GRIA4: variants seen among roughly 807,000 people sequenced by gnomAD.
GRIA4 encodes glutamate receptor 4.
Under a neutral mutation model 104.0 loss-of-function variants are expected in GRIA4, and 34 were observed. The observed-to-expected ratio is 0.33, with a 90% CI of 0.25 to 0.44. The LOEUF is 0.44. Ranked by LOEUF, GRIA4 falls within the 20% of genes least tolerant of loss-of-function variation. The pLI, the probability that GRIA4 is intolerant of heterozygous loss-of-function variation, is 1.00. For missense variants in GRIA4, 750 were observed against 1,096.5 expected (o/e 0.68, Z 4.46); for synonymous variants, 386 against 381.9 (o/e 1.01, Z -0.13).
chr11:105,634,528 G>A (rs11226813), intron 3 of GRIA4, among the ~76,000 whole-genome samples: 33,763 of 97,944 alleles, frequency 0.34, 5,103 homozygotes, highest in Admixed American at 0.39. Flanking sequence ...AAGAAAGAAA[G>A]AAAAGAAAGA....
At chr11:105,620,520 G>A (rs1950715362) in intron 3 of GRIA4, among the ~76,000 whole-genome samples, 1 of 151,742 alleles carries the variant, frequency 6.6e-6, no homozygotes, top group Non-Finnish European at 1.5e-5. Flanking sequence ...CAGTGTGACT[G>A]TCGCCGGTTA....
intron 3 of GRIA4, among the ~76,000 whole-genome samples, chr11:105,695,514 G>C (rs908787876): frequency 6.6e-6 from 1 of 151,082 alleles, no homozygotes; most frequent in African/African-American, 2.4e-5. Flanking sequence ...GTGTGTGTGT[G>C]CGTGCGCGTT....
At chr11:105,740,106 A>G (rs1454998092) in intron 3 of GRIA4, among the ~76,000 whole-genome samples, 1 of 152,180 alleles carries the variant, frequency 6.6e-6, no homozygotes, top group Non-Finnish European at 1.5e-5. Flanking sequence ...AAAACAAAAT[A>G]AAGAGGCATT....
chr11:105,878,880 C>T (rs192896054), intron 5 of GRIA4, among the ~76,000 whole-genome samples: 42 of 152,300 alleles, frequency 2.8e-4, no homozygotes, highest in African/African-American at 8.2e-4. Flanking sequence ...GGCTTCAGCC[C>T]CCCTTTCCAG....
chr11:105,805,642 G>C (rs1195787690), intron 4 of GRIA4, among the ~76,000 whole-genome samples: 1 of 151,846 alleles, frequency 6.6e-6, no homozygotes, highest in Admixed American at 6.6e-5. Flanking sequence ...AATGCAAAAA[G>C]GTTAGTATAG....
At chr11:105,660,840 T>C (rs1179801651) in intron 3 of GRIA4, among the ~76,000 whole-genome samples, 1 of 151,648 alleles carries the variant, frequency 6.6e-6, no homozygotes, top group Non-Finnish European at 1.5e-5. Context: ...ATACTATTTG[T>C]TACTGAAGTG....
intron 3 of GRIA4, among the ~76,000 whole-genome samples, chr11:105,637,528 T>A (rs1951238921): frequency 6.6e-6 from 1 of 152,146 alleles, no homozygotes; most frequent in Non-Finnish European, 1.5e-5. Context: ...CTGCAGAGAA[T>A]TCAAAGAAAA....
At chr11:105,721,632 T>C (rs899639726) in intron 3 of GRIA4, among the ~76,000 whole-genome samples, 2 of 152,156 alleles carry the variant, frequency 1.3e-5, no homozygotes, top group Non-Finnish European at 2.9e-5. Context: ...CTAGCAGGGT[T>C]TGCAACCAAA....
intron 3 of GRIA4, among the ~76,000 whole-genome samples, chr11:105,693,217 C>G (rs1445824241): frequency 6.6e-6 from 1 of 152,210 alleles, no homozygotes; most frequent in Non-Finnish European, 1.5e-5. Context: ...GCTATTTACT[C>G]TCTTGCAAAC....
intron 3 of GRIA4, among the ~76,000 whole-genome samples, chr11:105,684,532 A>AATATATATATATACATAT (rs1952810932): frequency 1.7e-5 from 1 of 57,984 alleles, no homozygotes; most frequent in African/African-American, 4.6e-5. Context: ...AAATAAGGCA[A>AATATATATATATACATAT]ATATATATAT....
chr11:105,713,125 G>T (rs1470320426), intron 3 of GRIA4, among the ~76,000 whole-genome samples: 1 of 152,098 alleles, frequency 6.6e-6, no homozygotes, highest in Non-Finnish European at 1.5e-5. Flanking sequence ...ACTCACTCCT[G>T]TAATTCCAGC....
At chr11:105,741,954 A>G (rs1224607318) in intron 3 of GRIA4, among the ~76,000 whole-genome samples, 1 of 152,072 alleles carries the variant, frequency 6.6e-6, no homozygotes, top group Non-Finnish European at 1.5e-5. Flanking sequence ...AGTTGATAAT[A>G]TTGTATTATA....
chr11:105,785,301 G>A (rs981806683), intron 4 of GRIA4, among the ~76,000 whole-genome samples: 7 of 152,144 alleles, frequency 4.6e-5, no homozygotes, highest in South Asian at 2.1e-4. Context: ...TGTTTTGCAC[G>A]TATATATAAA....
intron 3 of GRIA4, among the ~76,000 whole-genome samples, chr11:105,699,113 G>A (rs1215206291): frequency 6.6e-6 from 1 of 152,150 alleles, no homozygotes; most frequent in Non-Finnish European, 1.5e-5. Context: ...GACAAGCTAT[G>A]TCTTCATGAA....
chr11:105,976,338 T>A (rs1214944695), intron 16 of GRIA4, among the ~76,000 whole-genome samples: 1 of 152,038 alleles, frequency 6.6e-6, no homozygotes, highest in Non-Finnish European at 1.5e-5. Flanking sequence ...ATTTCAAAGT[T>A]CAGGGAAGTT....
Position 105,905,252 on chromosome 11 carries a change from T to C in GRIA4, c.1109T>C (p.Val370Ala). The C allele has an allele frequency of 6.2e-7, 1 of 1,609,642 alleles. No homozygotes were observed. The highest frequency in any genetic ancestry group is 8.5e-7 in the Non-Finnish European group (1 of 1,176,120). ...NVQFDHYGRRVNYTMDVFELK... is the reference protein window; with the variant it reads ...NVQFDHYGRRANYTMDVFELK... ...CAGTTTGACCACTATGGACGTAGAG[T>C]CAATTACACAATGGATGTGTTTGAG... Residue 370 changes from valine to alanine, a missense_variant, in exon 9 of 17, where the codon GTC becomes GCC. Val to Ala is a moderately conservative substitution (Grantham distance 64, BLOSUM62 0). Coordinates refer to ENST00000282499, the MANE Select transcript of GRIA4 (RefSeq NM_000829.4).
At chr11:105,889,158 T>C (rs1303920950) in intron 6 of GRIA4, among the ~76,000 whole-genome samples, 1 of 152,176 alleles carries the variant, frequency 6.6e-6, no homozygotes, top group Admixed American at 6.5e-5. Flanking sequence ...TTGCTGACAT[T>C]GGCAATTAAA....
chr11:105,643,416 C>G (rs930328603), intron 3 of GRIA4, among the ~76,000 whole-genome samples: 1 of 152,118 alleles, frequency 6.6e-6, no homozygotes, highest in Admixed American at 6.5e-5. Flanking sequence ...ATTGTCAGCA[C>G]CTCTAGGTAC....
chr11:105,614,179 A>G (rs1485339946), intron 3 of GRIA4: 1 of 151,710 alleles, frequency 6.6e-6, no homozygotes, highest in East Asian at 1.9e-4. Context: ...AATTATTTTA[A>G]CATATTAATT....
Sources: gnomAD v4.1 joint callset for allele counts (sites outside exome capture counted in the v4.1 genomes callset) on GRCh38, gnomAD v4.1.1 for gene constraint, MANE v1.5 for transcripts, NCBI Gene and HGNC (gene_info 2026-07-23, HGNC 2026-07-21) for gene names.